Variants in SLC47A1 observed in about 807,000 individuals in gnomAD.
SLC47A1 encodes the protein solute carrier family 47 member 1.
In SLC47A1, 58 loss-of-function variants were observed where a neutral mutation model predicts 65.8. That is an observed-to-expected ratio of 0.88 (90% CI 0.71 to 1.10). SLC47A1 has a LOEUF of 1.10. Ranked by LOEUF, SLC47A1 falls within the 50% of genes least tolerant of loss-of-function variation. The pLI is 0.00. For missense variants in SLC47A1, 706 were observed against 719.2 expected, an observed-to-expected ratio of 0.98 and a Z score of 0.21; for synonymous variants, 285 against 295.0, an observed-to-expected ratio of 0.97 and a Z score of 0.35.
At chr17:19,537,277 G>A (rs998829520) in intron 1 of SLC47A1, among the ~76,000 whole-genome samples, 1 of 152,220 alleles carries the variant, frequency 6.6e-6, no homozygotes, top group Non-Finnish European at 1.5e-5. Context: ...GCAGGTTGAG[G>A]GGGGTGAGGT....
At chr17:19,557,294 G>T in intron 10 of SLC47A1, 1 of 166,936 alleles carries the variant, frequency 6.0e-6, no homozygotes, top group Non-Finnish European at 1.3e-5. Flanking sequence ...TCTATCCTTG[G>T]CAGAGTTTTT....
At chr17:19,548,575 C>T (rs1441241870) in intron 4 of SLC47A1, among the ~76,000 whole-genome samples, 3 of 150,344 alleles carry the variant, frequency 2.0e-5, no homozygotes, top group African/African-American at 7.4e-5. Flanking sequence ...TCTTGGCTCG[C>T]TGCAACCTCT....
In SLC47A1 at chr17:19,542,861, G is replaced by A. The variant is rs184874890; in HGVS notation, c.237+367G>A. The stretch of plus-strand genomic sequence containing the variant: ...GGCTGGAGTGCAATGGTGCGATCTC[G>A]GCTCACTGCAACCTCTGCCTCCCAG... On this transcript the variant is annotated intron_variant, in intron 2 of 16. Coordinates refer to ENST00000270570, the MANE Select transcript of SLC47A1 (RefSeq NM_018242.3). 1.3e-4 allele frequency among the ~76,000 whole-genome samples: 19 copies of A among 150,162 alleles called. No individual in the cohort carries two copies. In the East Asian group the frequency reaches 2.7e-3, roughly 22 times the overall value.
intron 2 of SLC47A1, among the ~76,000 whole-genome samples, chr17:19,545,368 T>C (rs1229153120): frequency 6.6e-6 from 1 of 152,146 alleles, no homozygotes; most frequent in South Asian, 2.1e-4. Context: ...CTAATTTTTG[T>C]ATTTTAGTAG....
intron 10 of SLC47A1, 149 bp from the exon 11 acceptor site, chr17:19,560,039 G>A (rs1399647887): frequency 9.8e-6 from 6 of 612,138 alleles, no homozygotes; most frequent in Non-Finnish European, 1.7e-5. Context: ...GGAGTTCCCG[G>A]CTAGACAAAG....
At chr17:19,570,602 C>G (rs8065616) in intron 14 of SLC47A1, among the ~76,000 whole-genome samples, 9,013 of 152,238 alleles carry the variant, frequency 0.059, 808 homozygotes, top group African/African-American at 0.19. Flanking sequence ...CCAATCGTTA[C>G]AGAAGTTACT....
intron 12 of SLC47A1, among the ~76,000 whole-genome samples, chr17:19,563,455 A>G (rs2084331489): frequency 6.6e-6 from 1 of 151,964 alleles, no homozygotes; most frequent in Admixed American, 6.6e-5. Flanking sequence ...TAAAATGTCA[A>G]AAAGCACAAT....
chr17:19,545,452 A>G (rs1299380022), intron 2 of SLC47A1, among the ~76,000 whole-genome samples: 2 of 151,694 alleles, frequency 1.3e-5, no homozygotes, highest in Non-Finnish European at 2.9e-5. Context: ...TCGGCCTCCC[A>G]AAGTGCTGGG....
intron 7 of SLC47A1, 133 bp from the exon 8 acceptor site, chr17:19,555,460 T>C (rs1190541495): frequency 2.3e-6 from 3 of 1,286,118 alleles, no homozygotes; most frequent in African/African-American, 2.9e-5. Flanking sequence ...GGATGGAGGG[T>C]GAGGCTGCTC....
intron 3 of SLC47A1, 62 bp from the exon 4 acceptor site, chr17:19,547,923 T>C: frequency 6.7e-7 from 1 of 1,495,348 alleles, no homozygotes; most frequent in Non-Finnish European, 9.0e-7. Flanking sequence ...TGAAGGCTTT[T>C]AGGGGACAGC....
At position 19,548,051 on chromosome 17, in the gene SLC47A1, C is replaced by T. The variant is rs77474263; in HGVS notation, c.373C>T (p.Leu125Phe). ...ILQRSALVLLLCCFPCWALFL... is the reference protein window; with the variant it reads ...ILQRSALVLLFCCFPCWALFL... ...GCAGCGGAGTGCGCTCGTCCTGCTCCTCTGCTGCTTCCCCTGCTGGGCGCT... is the reference window on the plus strand; with the variant it reads ...GCAGCGGAGTGCGCTCGTCCTGCTCTTCTGCTGCTTCCCCTGCTGGGCGCT... Residue 125 changes from leucine to phenylalanine, a missense_variant, in exon 4 of 17, where the codon CTC (leucine) becomes TTC (phenylalanine). Physicochemically the swap from Leu to Phe is conservative, Grantham distance 22. Transcript: ENST00000270570. The T allele has an allele frequency of 5.2e-3, 8,368 of 1,614,144 alleles. 523 individuals carry two copies. The Admixed American group carries it at 0.12, about 22-fold the overall frequency.
chr17:19,552,842 C>T (rs945043424), intron 6 of SLC47A1, among the ~76,000 whole-genome samples: 4 of 152,120 alleles, frequency 2.6e-5, no homozygotes, highest in Non-Finnish European at 5.9e-5. Flanking sequence ...ATGATGGCAT[C>T]GAGAGGCGGG....
At chr17:19,543,891 C>T (rs541352004) in intron 2 of SLC47A1, among the ~76,000 whole-genome samples, 12 of 152,284 alleles carry the variant, frequency 7.9e-5, no homozygotes, top group South Asian at 2.1e-4. Context: ...CTACGCGAAA[C>T]GCCTGGGAAC....
chr17:19,552,476 T>C (rs1045691915), intron 6 of SLC47A1, among the ~76,000 whole-genome samples: 1 of 152,210 alleles, frequency 6.6e-6, no homozygotes, highest in East Asian at 1.9e-4. Flanking sequence ...CTCCTTTTGA[T>C]CTAGACCCTT....
At chr17:19,563,928 G>T (rs976362576) in intron 12 of SLC47A1, among the ~76,000 whole-genome samples, 2 of 152,160 alleles carry the variant, frequency 1.3e-5, no homozygotes, top group Non-Finnish European at 2.9e-5. Flanking sequence ...GGCGGAGCTT[G>T]CAGTGAGCCG....
chr17:19,574,349 T>G (rs2084422882), intron 16 of SLC47A1, among the ~76,000 whole-genome samples: 2 of 152,154 alleles, frequency 1.3e-5, no homozygotes, highest in East Asian at 3.9e-4. Flanking sequence ...CTCAGTCATG[T>G]GATCTGGATG....
chr17:19,567,461 G>A (rs891331142), intron 14 of SLC47A1, among the ~76,000 whole-genome samples: 16 of 152,154 alleles, frequency 1.1e-4, no homozygotes, highest in African/African-American at 1.7e-4. Context: ...GATCTTCCAC[G>A]CTGACACACT....
intron 13 of SLC47A1, 43 bp from the exon 14 acceptor site, chr17:19,567,053 G>A (rs771256249): frequency 1.2e-5 from 20 of 1,613,440 alleles, no homozygotes; most frequent in Non-Finnish European, 1.7e-6. Flanking sequence ...TGTTTCAAGA[G>A]CGCCGGATGT....
chr17:19,577,760 G>C lies in SLC47A1; in HGVS notation c.*207G>C. The stretch of plus-strand genomic sequence containing the variant: ...TTGTGGCCCAAGACACTGTCTGAAA[G>C]ATGACATGAGTAGTAATTCACCACT... On this transcript the variant is annotated 3_prime_UTR_variant, in exon 17 of 17. Transcript: ENST00000270570. The C allele has an allele frequency of 7.2e-7, 1 of 1,393,116 alleles. No individual in the cohort carries two copies. Among genetic ancestry groups the C allele is most frequent in the Non-Finnish European group, 9.3e-7 (1 of 1,075,920 alleles). The allele number at this position is 1,393,116 out of a possible 1,614,324, so 86.3% of individuals were successfully genotyped here. A position where few individuals can be genotyped will look rare whatever the true frequency, so the allele number is the denominator to read the frequency against.
Sources: gnomAD v4.1 joint callset for allele counts (sites outside exome capture counted in the v4.1 genomes callset) on GRCh38, gnomAD v4.1.1 for gene constraint, MANE v1.5 for transcripts, NCBI Gene and HGNC (gene_info 2026-07-23, HGNC 2026-07-21) for gene names.